RBMS1: variants seen among roughly 807,000 people sequenced by gnomAD.
The protein encoded by RBMS1 is RNA-binding motif, single-stranded-interacting protein 1.
In RBMS1, 17 loss-of-function variants were observed where a neutral mutation model predicts 62.3. The observed-to-expected ratio is 0.27, with a 90% CI of 0.19 to 0.41. The LOEUF (loss-of-function observed/expected upper bound fraction) is 0.41, where lower values mean the gene tolerates loss of function less well. Among genes scored for constraint, RBMS1 ranks in the 10% least tolerant of loss-of-function variants. The pLI, the probability that RBMS1 is intolerant of heterozygous loss-of-function variation, is 1.00. For missense variants in RBMS1, 334 were observed against 504.5 expected (o/e 0.66, Z 3.24); for synonymous variants, 172 against 170.0 (o/e 1.01, Z -0.09).
Position 160,287,983 on chromosome 2 carries a change from G to A in RBMS1, c.641-899C>T, listed in dbSNP as rs1688490857. ...TAAATTCTTCTTACAGAATCCATGA[G>A]GCCAAAACAGAAAAGCAGAAGATGT... On this transcript the variant is annotated intron_variant, in intron 6 of 13. Transcript: ENST00000348849. Among the ~76,000 whole-genome samples the A allele has an allele frequency of 2.0e-5, 3 of 149,248 alleles. No individual in the cohort carries two copies. The South Asian group carries it at 6.3e-4, about 31-fold the overall frequency.
intron 6 of RBMS1, among the ~76,000 whole-genome samples, chr2:160,287,710 T>C (rs1424587385): frequency 6.6e-6 from 1 of 152,244 alleles, no homozygotes; most frequent in East Asian, 1.9e-4. Context: ...AGTTGCTTAT[T>C]ACATCTTGGT....
chr2:160,313,042 G>C, intron 4 of RBMS1, 114 bp downstream of exon 4: 1 of 927,008 alleles, frequency 1.1e-6, no homozygotes, highest in Non-Finnish European at 1.7e-6. Flanking sequence ...TCCAGAAGGC[G>C]CTGTGCTGAG....
At chr2:160,462,476 G>C (rs1008179931) in intron 1 of RBMS1, among the ~76,000 whole-genome samples, 3 of 152,222 alleles carry the variant, frequency 2.0e-5, no homozygotes, top group Admixed American at 2.0e-4. Flanking sequence ...CTGGGTGGAA[G>C]ACTTTAAACC....
chr2:160,400,902 G>A (rs892126259), intron 1 of RBMS1, among the ~76,000 whole-genome samples: 3 of 152,126 alleles, frequency 2.0e-5, no homozygotes, highest in Non-Finnish European at 4.4e-5. Flanking sequence ...GTACCTTCAT[G>A]CGTGATTGAA....
intron 1 of RBMS1, among the ~76,000 whole-genome samples, chr2:160,475,247 A>G (rs573679181): frequency 1.1e-4 from 16 of 152,310 alleles, no homozygotes; most frequent in Admixed American, 7.2e-4. Flanking sequence ...ACTGATTCCC[A>G]CACTTCATTC....
chr2:160,418,429 G>C (rs1029171938), intron 1 of RBMS1, among the ~76,000 whole-genome samples: 1 of 152,068 alleles, frequency 6.6e-6, no homozygotes, highest in Non-Finnish European at 1.5e-5. Flanking sequence ...CAGATAAAAA[G>C]ACATATATCT....
At chr2:160,383,468 T>C (rs1694398964) in intron 1 of RBMS1, among the ~76,000 whole-genome samples, 1 of 147,128 alleles carries the variant, frequency 6.8e-6, no homozygotes, top group Non-Finnish European at 1.5e-5. Context: ...GGGGGGGAAC[T>C]GACCCACTAC....
intron 4 of RBMS1, among the ~76,000 whole-genome samples, chr2:160,304,410 T>A (rs915713519): frequency 2.6e-5 from 4 of 152,192 alleles, no homozygotes; most frequent in African/African-American, 9.7e-5. Flanking sequence ...TTTATTTTAA[T>A]AGAGAAACAA....
intron 1 of RBMS1, among the ~76,000 whole-genome samples, chr2:160,389,279 T>C (rs913293218): frequency 6.6e-6 from 1 of 152,162 alleles, no homozygotes; most frequent in Non-Finnish European, 1.5e-5. Flanking sequence ...TACCAGAAAA[T>C]GCTGTGCCCT....
intron 4 of RBMS1, among the ~76,000 whole-genome samples, chr2:160,310,671 G>A (rs1418894932): frequency 2.6e-4 from 39 of 151,580 alleles, no homozygotes; most frequent in Admixed American, 2.5e-3. Flanking sequence ...TTAATAGAAC[G>A]GACAGTGGGG....
intron 2 of RBMS1, among the ~76,000 whole-genome samples, chr2:160,331,460 A>G (rs1251812418): frequency 6.6e-6 from 1 of 152,162 alleles, no homozygotes; most frequent in Non-Finnish European, 1.5e-5. Flanking sequence ...CAATCAGCAC[A>G]CTGCTACATT....
chr2:160,438,506 C>T (rs891381808), intron 1 of RBMS1, among the ~76,000 whole-genome samples: 1 of 152,122 alleles, frequency 6.6e-6, no homozygotes, highest in Non-Finnish European at 1.5e-5. Flanking sequence ...CAAAGCACAT[C>T]TTGCACCGCC....
chr2:160,372,648 G>A (rs1693787583), intron 1 of RBMS1, among the ~76,000 whole-genome samples: 1 of 152,310 alleles, frequency 6.6e-6, no homozygotes, highest in Admixed American at 6.5e-5. Context: ...AATGAGGGGG[G>A]CCCCCACATG....
intron 4 of RBMS1, among the ~76,000 whole-genome samples, chr2:160,308,819 G>A (rs937404988): frequency 7.2e-5 from 11 of 152,164 alleles, no homozygotes; most frequent in Admixed American, 5.2e-4. Flanking sequence ...TTTGAAGAGC[G>A]CTGTAGACAC....
intron 1 of RBMS1, among the ~76,000 whole-genome samples, chr2:160,452,864 T>C (rs1193221745): frequency 6.6e-6 from 1 of 152,156 alleles, no homozygotes; most frequent in Non-Finnish European, 1.5e-5. Flanking sequence ...AATTAGGAGC[T>C]TATGAGATCA....
chr2:160,309,390 G>T (rs1689725298), intron 4 of RBMS1, among the ~76,000 whole-genome samples: 1 of 152,170 alleles, frequency 6.6e-6, no homozygotes, highest in African/African-American at 2.4e-5. Context: ...AGGCTGAAAG[G>T]CTGACAAGTA....
At chr2:160,476,624 G>A (rs1356925922) in intron 1 of RBMS1, among the ~76,000 whole-genome samples, 3 of 138,948 alleles carry the variant, frequency 2.2e-5, no homozygotes, top group East Asian at 2.2e-4. Flanking sequence ...GCGGGATCTC[G>A]GCTCACTGCA....
intron 1 of RBMS1, among the ~76,000 whole-genome samples, chr2:160,479,215 AG>A (rs1166124611): frequency 6.6e-6 from 1 of 152,260 alleles, no homozygotes; most frequent in Non-Finnish European, 1.5e-5. Flanking sequence ...AAAAATCTTT[AG>A]GAATGTGGCA....
intron 1 of RBMS1, among the ~76,000 whole-genome samples, chr2:160,383,682 T>C (rs146519874): frequency 1.8e-4 from 28 of 152,292 alleles, no homozygotes; most frequent in African/African-American, 5.5e-4. Context: ...TTTGAAACTA[T>C]ACATTATTGT....
Sources: allele counts gnomAD v4.1 joint callset (sites outside exome capture counted in the v4.1 genomes callset), GRCh38; gene constraint gnomAD v4.1.1; transcripts MANE v1.5; gene names NCBI Gene and HGNC (gene_info 2026-07-23, HGNC 2026-07-21).